The following MYCBP2 variants were observed in gnomAD, a reference collection of about 807,000 sequenced individuals.
MYCBP2 encodes the protein E3 ubiquitin-protein ligase MYCBP2.
A neutral mutation model predicts 525.3 loss-of-function variants in MYCBP2; 120 were observed. The ratio of observed to expected loss-of-function variants is 0.23; its 90% CI spans 0.20 to 0.27. The LOEUF is 0.27. Among genes scored for constraint, MYCBP2 ranks in the 10% least tolerant of loss-of-function variants. The pLI is 1.00. For missense variants in MYCBP2, 4,149 were observed against 5,657.1 expected (o/e 0.73, Z 8.55); for synonymous variants, 1,894 against 1,955.8 (o/e 0.97, Z 0.83).
At position 77,288,339 on chromosome 13, in the gene MYCBP2, A is replaced by G. The variant is rs1195033991; in HGVS notation, c.416T>C (p.Ile139Thr). 7 of 1,613,902 alleles carry G rather than the reference A, an allele frequency of 4.3e-6. No individual in the cohort carries two copies. Among genetic ancestry groups the G allele is most frequent in the Non-Finnish European group, 5.9e-6 (7 of 1,179,874 alleles). The change falls in exon 3 of 83, where the codon ATC becomes ACC. Residue 139 changes from isoleucine (I) to threonine (T), a missense_variant. Transcript: ENST00000544440. ...NLENTVIIPD[I>T]KLHSNPSAFN... is the part of the protein sequence containing the mutation. ...AGCAGAAGGATTGCTATGTAGTTTGATATCTGGTATGATTACTGTATTCTC... is the reference window on the plus strand; with the variant it reads ...AGCAGAAGGATTGCTATGTAGTTTGGTATCTGGTATGATTACTGTATTCTC...
In MYCBP2 at chr13:77,098,977, G is replaced by C. The variant is rs917096369; in HGVS notation, c.8177C>G (p.Ala2726Gly). 6.2e-7 allele frequency: 1 copy of C among 1,610,522 alleles called. No homozygotes were observed. The highest frequency in any genetic ancestry group is 1.3e-5 in the African/African-American group (1 of 74,832). The change falls in exon 56 of 83, where the codon GCC becomes GGC. Residue 2726 changes from alanine (A) to glycine (G), a missense_variant. Transcript: ENST00000544440. The part of the protein sequence containing the change: ...RGNISTSSKP[A>G]STSGKSELSS... The stretch of plus-strand genomic sequence containing the variant: ...CAGCTCTGATTTTCCTGATGTAGAG[G>C]CTGGTTTAGAAGATGTTGAGATGTT...
intron 80 of MYCBP2, among the ~76,000 whole-genome samples, chr13:77,052,266 A>G (rs2036975799): frequency 6.6e-6 from 1 of 151,794 alleles, no homozygotes. Context: ...TGGCGCAATC[A>G]TGGCTCCCGA....
chr13:77,141,878 G>T (rs569311364), intron 49 of MYCBP2, among the ~76,000 whole-genome samples: 1 of 151,816 alleles, frequency 6.6e-6, no homozygotes, highest in Non-Finnish European at 1.5e-5. Context: ...TATTATCTCT[G>T]CTTGTCTATG....
intron 52 of MYCBP2, among the ~76,000 whole-genome samples, chr13:77,128,237 ATGTC>A (rs1447166088): frequency 6.6e-6 from 1 of 151,888 alleles, no homozygotes; most frequent in Non-Finnish European, 1.5e-5. Flanking sequence ...ACATTTTAAA[ATGTC>A]TGTTTGTAAA....
Position 77,106,740 on chromosome 13 carries a change from T to G in MYCBP2, c.8141-7727A>C, listed in dbSNP as rs113036886. Among the ~76,000 whole-genome samples, 311 of 152,000 alleles carry G rather than the reference T, an allele frequency of 2.0e-3. 2 individuals are homozygous for G. Among genetic ancestry groups the G allele is most frequent in the African/African-American group, 5.5e-3 (227 of 41,488 alleles). ...TTAAGTTCCTTTTTTTTCTTTCCAA[T>G]TTTTTTCTTTCCAACTTTTATTTTA... On this transcript the variant is annotated intron_variant, in intron 55 of 82. Transcript: ENST00000544440.
intron 26 of MYCBP2, among the ~76,000 whole-genome samples, chr13:77,200,984 T>C (rs1291627528): frequency 1.1e-4 from 16 of 151,616 alleles, no homozygotes; most frequent in African/African-American, 3.1e-4. Flanking sequence ...ACTGCATCAA[T>C]TAACGAGCAA....
At position 77,225,554 on chromosome 13, in the gene MYCBP2, T is replaced by A. The variant is rs762339382; in HGVS notation, c.2738A>T (p.Asp913Val). ...CTTTTCGCCTCTTTCTCCACTTCCA[T>A]CTGCAAGTGTTATAATTTGTGAATT... ...QLKHKRDKHK[D>V]GSGERGEKDA... Residue 913 changes from aspartate to valine, a missense_variant and splice_region_variant, in exon 19 of 83, where the codon GAT becomes GTT. Physicochemically the swap from Asp to Val is radical, Grantham distance 152. Transcript: ENST00000544440. The A allele has an allele frequency of 2.5e-6, 4 of 1,613,294 alleles. No individual in the cohort carries two copies. Among genetic ancestry groups the A allele is most frequent in the African/African-American group, 1.3e-5 (1 of 74,890 alleles).
chr13:77,257,600 T>C, intron 14 of MYCBP2, 71 bp downstream of exon 14: 1 of 1,393,654 alleles, frequency 7.2e-7, no homozygotes, highest in Non-Finnish European at 9.5e-7. Flanking sequence ...AACAAGACTT[T>C]TCACTATGTT....
In MYCBP2 at chr13:77,289,954, A is replaced by G. The variant is rs184931590; in HGVS notation, c.379-1578T>C. On this transcript the variant is annotated intron_variant, in intron 2 of 82. Transcript: ENST00000544440. ...GCATTGAAGTCACAGACTGGGAGAA[A>G]ATATTTGCAAACCACATATCCAACA... 1.9e-3 allele frequency among the ~76,000 whole-genome samples: 288 copies of G among 152,312 alleles called. 1 individual carries two copies. The highest frequency in any genetic ancestry group is 6.8e-3 in the African/African-American group (281 of 41,574).
At chr13:77,051,944 C>CGTAA in intron 80 of MYCBP2, 26 bp from the exon 81 acceptor site, 1 of 1,589,774 alleles carries the variant, frequency 6.3e-7, no homozygotes, top group Non-Finnish European at 8.6e-7. Context: ...ATCTAGATTA[C>CGTAA]AGCAGGAAAA....
At position 77,218,978 on chromosome 13, in the gene MYCBP2, G is replaced by A. The variant is rs539605367; in HGVS notation, c.2940-1021C>T. Among the ~76,000 whole-genome samples the A allele has an allele frequency of 1.7e-4, 26 of 152,284 alleles. No individual in the cohort carries two copies. In the South Asian group the frequency reaches 4.6e-3, roughly 27 times the overall value. ...TGATAGCTATGTAAGGAACAGAATT[G>A]ATGAAACTTGGCAGATGATCGATAT... On this transcript the variant is annotated intron_variant, in intron 20 of 82. Transcript: ENST00000544440.
chr13:77,288,799 A>G (rs1206281583), intron 2 of MYCBP2, among the ~76,000 whole-genome samples: 1 of 152,196 alleles, frequency 6.6e-6, no homozygotes, highest in African/African-American at 2.4e-5. Flanking sequence ...GTAGATATAG[A>G]AGTTTACACA....
intron 26 of MYCBP2, among the ~76,000 whole-genome samples, chr13:77,197,952 C>T (rs1484594256): frequency 6.6e-6 from 1 of 152,022 alleles, no homozygotes; most frequent in Non-Finnish European, 1.5e-5. Flanking sequence ...TATGGAAGGC[C>T]TCCATAATTC....
At chr13:77,298,132 T>C (rs1428936970) in intron 1 of MYCBP2, among the ~76,000 whole-genome samples, 1 of 152,252 alleles carries the variant, frequency 6.6e-6, no homozygotes, top group Non-Finnish European at 1.5e-5. Flanking sequence ...TTTTGCATTC[T>C]TTTCCACCTG....
In MYCBP2 at chr13:77,243,138, G is replaced by C; in HGVS notation, c.2550C>G (p.Asn850Lys). 2 of 1,613,826 alleles carry C rather than the reference G, an allele frequency of 1.2e-6. No homozygotes were observed. Reference sequence around the variant, plus strand: ...GTCGTAACTGAAGGTGTTCTTCAATGTTAACCCCGGGCACTGGGACAGCTA... The same window carrying C: ...GTCGTAACTGAAGGTGTTCTTCAATCTTAACCCCGGGCACTGGGACAGCTA... ...LLLAVPVPGV[N>K]IEEHLQLRQE... is the part of the protein sequence containing the mutation. Residue 850 changes from asparagine (N) to lysine (K), a missense_variant, in exon 17 of 83, where the codon AAC (asparagine) becomes AAG (lysine). Asn to Lys is a moderately conservative substitution (Grantham distance 94). Around this residue, in one of 21 missense-constraint regions of MYCBP2, gnomAD observed 620 missense variants for 795.5 expected, o/e 0.78. Coordinates refer to ENST00000544440, the MANE Select transcript of MYCBP2 (RefSeq NM_015057.5).
chr13:77,286,803 T>TATATATAA lies in MYCBP2; in HGVS notation c.594+1357_594+1358insTTATATAT, dbSNP rs1555460523. ...AAAAAAAAAAAAATATATATATATA[T>TATATATAA]ATATATATATATATAGACCTTCCAG... On this transcript the variant is annotated intron_variant, in intron 3 of 82. Transcript: ENST00000544440. 6.9e-4 allele frequency among the ~76,000 whole-genome samples: 80 copies of TATATATAA among 115,480 alleles called. 5 individuals carry two copies. Among genetic ancestry groups the TATATATAA allele is most frequent in the African/African-American group, 2.4e-3 (71 of 28,984 alleles). The allele number at this position is 115,480 out of a possible 152,430, so 75.8% of individuals were successfully genotyped here.
intron 73 of MYCBP2, 27 bp downstream of exon 73, chr13:77,064,588 A>C: frequency 6.4e-7 from 1 of 1,569,970 alleles, no homozygotes; most frequent in Non-Finnish European, 8.6e-7. Context: ...CCAAATTTAA[A>C]ACAAAACAAA....
intron 21 of MYCBP2, among the ~76,000 whole-genome samples, chr13:77,212,921 C>T (rs1204354514): frequency 2.0e-5 from 3 of 152,122 alleles, no homozygotes; most frequent in Non-Finnish European, 2.9e-5. Flanking sequence ...ACCTCTCTCC[C>T]CTCACAGCAT....
intron 35 of MYCBP2, 68 bp downstream of exon 35, chr13:77,177,680 C>T: frequency 1.5e-6 from 2 of 1,304,734 alleles, no homozygotes; most frequent in South Asian, 1.2e-5. Context: ...CCTGAACATA[C>T]TATGACAATG....
Sources: allele counts gnomAD v4.1 joint callset (sites outside exome capture counted in the v4.1 genomes callset), GRCh38; gene constraint gnomAD v4.1.1; regional missense constraint gnomAD v4.1.1; transcripts MANE v1.5; gene names NCBI Gene and HGNC (gene_info 2026-07-23, HGNC 2026-07-21).